The following EPHB1 variants were observed in gnomAD, a reference collection of about 807,000 sequenced individuals.
EPHB1 encodes the protein ephrin type-B receptor 1.
EPHB1 carries 30 observed loss-of-function variants against 94.4 expected under a neutral mutation model. That is an observed-to-expected ratio of 0.32 (90% confidence interval 0.24 to 0.43). The LOEUF is 0.43. Ranked by LOEUF, EPHB1 falls within the 20% of genes least tolerant of loss-of-function variation. The pLI is 1.00. For synonymous variants in EPHB1, 522 were observed against 489.1 expected (o/e 1.07, Z -0.89); for missense variants, 1,055 against 1,308.3 (o/e 0.81, Z 2.99).
At chr3:134,986,711 A>AACAC (rs60628273) in intron 3 of EPHB1, among the ~76,000 whole-genome samples, 4,730 of 145,682 alleles carry the variant, frequency 0.032, 142 homozygotes, top group African/African-American at 0.083. Flanking sequence ...TAAAGATATT[A>AACAC]ACACACACAC....
chr3:134,957,275 C>T (rs1224427911), intron 3 of EPHB1, among the ~76,000 whole-genome samples: 1 of 152,128 alleles, frequency 6.6e-6, no homozygotes, highest in African/African-American at 2.4e-5. Context: ...ATCCAAGAAC[C>T]CCAGCTCTAA....
intron 1 of EPHB1, among the ~76,000 whole-genome samples, chr3:134,893,151 T>A (rs905667373): frequency 6.6e-6 from 1 of 152,222 alleles, no homozygotes; most frequent in African/African-American, 2.4e-5. Context: ...GTGCTGATGG[T>A]CCCAGGGGGT....
At chr3:134,818,137 C>T (rs2036305553) in intron 1 of EPHB1, among the ~76,000 whole-genome samples, 1 of 152,170 alleles carries the variant, frequency 6.6e-6, no homozygotes, top group Admixed American at 6.5e-5. Flanking sequence ...CCTTAGGTGA[C>T]CATCTCACAC....
At chr3:134,997,293 T>A (rs747533636) in intron 3 of EPHB1, among the ~76,000 whole-genome samples, 4 of 152,228 alleles carry the variant, frequency 2.6e-5, no homozygotes, top group Non-Finnish European at 4.4e-5. Context: ...GTGAATAGCC[T>A]GCATTCTCTC....
chr3:135,161,264 G>C (rs138646289), intron 6 of EPHB1, among the ~76,000 whole-genome samples: 181 of 152,312 alleles, frequency 1.2e-3, no homozygotes, highest in African/African-American at 4.1e-3. Context: ...CACAGAAAGT[G>C]CTGGAGAGAG....
At chr3:134,861,894 A>T (rs1002614664) in intron 1 of EPHB1, among the ~76,000 whole-genome samples, 9 of 151,984 alleles carry the variant, frequency 5.9e-5, no homozygotes, top group African/African-American at 9.7e-5. Flanking sequence ...AATTTAAATT[A>T]AAAAAAAGAG....
chr3:135,012,081 C>G (rs1576315676), intron 3 of EPHB1, among the ~76,000 whole-genome samples: 1 of 152,156 alleles, frequency 6.6e-6, no homozygotes, highest in Admixed American at 6.5e-5. Flanking sequence ...ACCACTTGAT[C>G]TGGTGGCAGT....
chr3:134,890,683 A>G (rs924969286), intron 1 of EPHB1, among the ~76,000 whole-genome samples: 4 of 152,246 alleles, frequency 2.6e-5, no homozygotes, highest in African/African-American at 9.6e-5. Context: ...GAATGTATAA[A>G]TAAATAACAC....
intron 1 of EPHB1, among the ~76,000 whole-genome samples, chr3:134,919,109 C>A (rs2107698803): frequency 6.6e-6 from 1 of 152,238 alleles, no homozygotes; most frequent in East Asian, 1.9e-4. Flanking sequence ...GAATACGCAT[C>A]TGAAAAAGAT....
chr3:134,880,151 A>G (rs890712071), intron 1 of EPHB1, among the ~76,000 whole-genome samples: 9 of 152,202 alleles, frequency 5.9e-5, no homozygotes, highest in Admixed American at 2.6e-4. Flanking sequence ...GCCCAAGGGC[A>G]GCTGGTCAAA....
At chr3:135,100,199 C>T (rs1476892866) in intron 3 of EPHB1, among the ~76,000 whole-genome samples, 1 of 152,168 alleles carries the variant, frequency 6.6e-6, no homozygotes, top group Admixed American at 6.5e-5. Flanking sequence ...GTAGCTCTGA[C>T]CCCCTAGACC....
chr3:135,104,384 C>G lies in EPHB1; in HGVS notation c.806-2064C>G, dbSNP rs369647479. 2.6e-5 allele frequency among the ~76,000 whole-genome samples: 4 copies of G among 152,306 alleles called. No homozygotes were observed. The East Asian group carries it at 5.8e-4, about 22-fold the overall frequency. ...GATACTTTTGCCATTCAGAGCTTCTCCCTTTCATGTTTGATGTGTTAGATC... is the reference window on the plus strand; with the variant it reads ...GATACTTTTGCCATTCAGAGCTTCTGCCTTTCATGTTTGATGTGTTAGATC... On this transcript the variant is annotated intron_variant, in intron 3 of 15. Coordinates refer to ENST00000398015, the MANE Select transcript of EPHB1 (RefSeq NM_004441.5).
chr3:135,081,105 G>A (rs1433493639), intron 3 of EPHB1, among the ~76,000 whole-genome samples: 1 of 152,170 alleles, frequency 6.6e-6, no homozygotes, highest in East Asian at 1.9e-4. Flanking sequence ...AAGGAGGGGA[G>A]GGGAGGTGGA....
At chr3:135,198,065 C>A (rs1452749794) in intron 11 of EPHB1, among the ~76,000 whole-genome samples, 2 of 149,850 alleles carry the variant, frequency 1.3e-5, no homozygotes, top group Non-Finnish European at 3.0e-5. Flanking sequence ...TCAGCATATT[C>A]CAATGGCAAA....
chr3:134,943,169 C>T (rs1449274809), intron 2 of EPHB1, among the ~76,000 whole-genome samples: 6 of 152,184 alleles, frequency 3.9e-5, no homozygotes, highest in East Asian at 1.9e-4. Context: ...GTCAACAAAA[C>T]GTCATGACCA....
At chr3:135,058,589 A>C (rs1937408721) in intron 3 of EPHB1, among the ~76,000 whole-genome samples, 1 of 152,216 alleles carries the variant, frequency 6.6e-6, no homozygotes, top group Non-Finnish European at 1.5e-5. Flanking sequence ...GCTCCCATTC[A>C]ACCTTCTCAT....
intron 5 of EPHB1, among the ~76,000 whole-genome samples, chr3:135,146,038 T>A (rs1254107522): frequency 6.6e-6 from 1 of 152,206 alleles, no homozygotes; most frequent in Non-Finnish European, 1.5e-5. Context: ...TTTATTGCAC[T>A]GATGGAGAGC....
chr3:135,096,755 C>T (rs1220890863), intron 3 of EPHB1, among the ~76,000 whole-genome samples: 1 of 152,164 alleles, frequency 6.6e-6, no homozygotes, highest in Non-Finnish European at 1.5e-5. Context: ...TTTATGAGGG[C>T]TCCACCCTCG....
intron 15 of EPHB1, among the ~76,000 whole-genome samples, chr3:135,252,157 AT>A (rs1042103822): frequency 5.3e-5 from 8 of 149,672 alleles, no homozygotes; most frequent in African/African-American, 7.4e-5. Context: ...TTACTGTTAA[AT>A]TTTTTTTTCT....
Sources: gnomAD v4.1 joint callset for allele counts (sites outside exome capture counted in the v4.1 genomes callset) on GRCh38, gnomAD v4.1.1 for gene constraint, MANE v1.5 for transcripts, NCBI Gene and HGNC (gene_info 2026-07-23, HGNC 2026-07-21) for gene names.